Variants in MOCS2 observed in about 807,000 individuals in gnomAD.
MOCS2 encodes molybdenum cofactor synthesis 2, also known as molybdopterin synthase catalytic subunit.
A neutral mutation model predicts 21.9 loss-of-function variants in MOCS2; 13 were observed. The ratio of observed to expected loss-of-function variants is 0.59; its 90% CI spans 0.39 to 0.94. The LOEUF (loss-of-function observed/expected upper bound fraction) is 0.94. MOCS2 is among the 40% of genes least tolerant of loss of function. The probability of loss-of-function intolerance (pLI) is 0.00; values close to 1 mark genes in which losing one functional copy is unlikely to be tolerated. For missense variants in MOCS2, 227 were observed against 218.3 expected (o/e 1.04, Z -0.25); for synonymous variants, 92 against 80.8 (o/e 1.14, Z -0.74).
In MOCS2 at chr5:53,109,665, G is replaced by C; in HGVS notation, c.-584C>G. On this transcript the variant is annotated 5_prime_UTR_variant, in exon 1 of 7. Coordinates refer to ENST00000396954, the MANE Select transcript of MOCS2 (RefSeq NM_004531.5). ...AGGGAAAGGGCGGGAGAGACACGTCGAGGAGGGCTCCGCACCCAGGCCCGC... is the reference window on the plus strand; with the variant it reads ...AGGGAAAGGGCGGGAGAGACACGTCCAGGAGGGCTCCGCACCCAGGCCCGC... 1 of 1,550,336 alleles carries C rather than the reference G, an allele frequency of 6.5e-7. No individual in the cohort carries two copies. Among genetic ancestry groups the C allele is most frequent in the Non-Finnish European group, 8.7e-7 (1 of 1,146,940 alleles).
In MOCS2 at chr5:53,095,963, C is replaced by T. The variant is rs1490444101; in HGVS notation, c.*2639G>A. 6.6e-6 allele frequency: 1 copy of T among 152,112 alleles called. No homozygotes were observed. 9.4% of individuals were successfully genotyped at this position (152,112 alleles called of 1,614,324 possible). ...GATTGGACATCATCTTACATAAAAT[C>T]AGGGCCTAATTTTCATTTCGGAACC... On this transcript the variant is annotated 3_prime_UTR_variant, in exon 7 of 7. Coordinates refer to ENST00000396954, the MANE Select transcript of MOCS2 (RefSeq NM_004531.5).
chr5:53,107,245 A>G (rs1216338175), intron 2 of MOCS2, 24 bp from the exon 3 acceptor site: 5 of 1,600,346 alleles, frequency 3.1e-6, no homozygotes, highest in South Asian at 1.1e-5. Flanking sequence ...AATATGACTC[A>G]AAGTATCAAC....
rs1419470317 is a variant in MOCS2, at chr5:53,108,534, G to C, written c.-60C>G. 1.2e-6 allele frequency: 2 copies of C among 1,613,124 alleles called. No individual in the cohort carries two copies. The highest frequency in any genetic ancestry group is 1.3e-5 in the African/African-American group (1 of 74,894). ...AATTTTTAACTACCCAGGATGTCGA[G>C]TTTCTATCTCCTTCCACAGCTGCAA... On this transcript the variant is annotated 5_prime_UTR_variant, in exon 2 of 7. Transcript: ENST00000396954.
Position 53,100,553 on chromosome 5 carries a change from A to G in MOCS2, c.378-19T>C, listed in dbSNP as rs1457005041. 1.2e-6 allele frequency: 2 copies of G among 1,605,882 alleles called. No individual in the cohort carries two copies. Among genetic ancestry groups the G allele is most frequent in the Admixed American group, 3.4e-5 (2 of 59,640 alleles). ...AACCAAGCTTTAACAAGATGAAGAG[A>G]AAAAAAAATCACCATCATCTCTGAA... On this transcript the variant is annotated intron_variant, in intron 5 of 6. Transcript: ENST00000396954.
Position 53,108,541 on chromosome 5 carries a change from T to C in MOCS2, c.-67A>G. 4 of 1,613,502 alleles carry C rather than the reference T, an allele frequency of 2.5e-6. No homozygotes were observed. The highest frequency in any genetic ancestry group is 3.4e-6 in the Non-Finnish European group (4 of 1,179,732). On this transcript the variant is annotated 5_prime_UTR_variant, in exon 2 of 7. Transcript: ENST00000396954. The stretch of plus-strand genomic sequence containing the variant: ...AACTACCCAGGATGTCGAGTTTCTA[T>C]CTCCTTCCACAGCTGCAACGCTTTT...
rs1207657998 is a variant in MOCS2, at chr5:53,096,535, TAC to T, written c.*2065_*2066del. 6.6e-6 allele frequency: 1 copy of T among 152,198 alleles called. No individual in the cohort carries two copies. Among genetic ancestry groups the T allele is most frequent in the Non-Finnish European group, 1.5e-5 (1 of 68,030 alleles). 9.4% of individuals were successfully genotyped at this position (152,198 alleles called of 1,614,324 possible). The stretch of plus-strand genomic sequence containing the variant: ...CTCTTCTAGTTACTTGAAGCTAAGT[TAC>T]AGAGATGATAGAAAAGCTACATATC... On this transcript the variant is annotated 3_prime_UTR_variant, in exon 7 of 7. Coordinates refer to ENST00000396954, the MANE Select transcript of MOCS2 (RefSeq NM_004531.5).
chr5:53,104,378 G>A (rs771626360), intron 3 of MOCS2, among the ~76,000 whole-genome samples: 21 of 152,176 alleles, frequency 1.4e-4, no homozygotes, highest in East Asian at 3.8e-4. Context: ...CCAGTCCTGC[G>A]AAACACATTC....
chr5:53,105,777 C>G (rs1741034165), intron 3 of MOCS2, among the ~76,000 whole-genome samples: 2 of 152,150 alleles, frequency 1.3e-5, no homozygotes, highest in Admixed American at 1.3e-4. Flanking sequence ...AAACTATCAA[C>G]AGAGTGAATA....
Position 53,101,406 on chromosome 5 carries a change from A to C in MOCS2, c.330T>G (p.Ile110Met). ...TGTGTTTGACTGGCCATTTCTGCCTAATGTCACTACAAATCTTTCTGACTT... is the reference window on the plus strand; with the variant it reads ...TGTGTTTGACTGGCCATTTCTGCCTCATGTCACTACAAATCTTTCTGACTT... ...ENEVRKICSD[I>M]RQKWPVKHIA... Residue 110 changes from isoleucine to methionine, a missense_variant, in exon 5 of 7, where the codon ATT becomes ATG. Coordinates refer to ENST00000396954, the MANE Select transcript of MOCS2 (RefSeq NM_004531.5). 6.2e-7 allele frequency: 1 copy of C among 1,613,992 alleles called. No individual in the cohort carries two copies. The highest frequency in any genetic ancestry group is 8.5e-7 in the Non-Finnish European group (1 of 1,179,936).
chr5:53,102,736 C>T (rs1740949170), intron 3 of MOCS2, among the ~76,000 whole-genome samples: 1 of 152,048 alleles, frequency 6.6e-6, no homozygotes, highest in South Asian at 2.1e-4. Context: ...CATTTGGGGT[C>T]AGGAGTTTGA....
chr5:53,098,442 C>T lies in MOCS2; in HGVS notation c.*160G>A. Reference sequence around the variant, plus strand: ...CCATTTTAAATAACCCTTCATCCTACATACCCATTTATCTTGCTTCCTTTT... The same window carrying T: ...CCATTTTAAATAACCCTTCATCCTATATACCCATTTATCTTGCTTCCTTTT... On this transcript the variant is annotated 3_prime_UTR_variant, in exon 7 of 7. Coordinates refer to ENST00000396954, the MANE Select transcript of MOCS2 (RefSeq NM_004531.5). The T allele has an allele frequency of 1.5e-6, 1 of 674,732 alleles. No individual in the cohort carries two copies. The highest frequency in any genetic ancestry group is 2.7e-6 in the Non-Finnish European group (1 of 371,620). 41.8% of individuals were successfully genotyped at this position (674,732 alleles called of 1,614,324 possible).
At chr5:53,102,002 TA>T in intron 4 of MOCS2, 94 bp downstream of exon 4, 1 of 1,331,612 alleles carries the variant, frequency 7.5e-7, no homozygotes, top group Non-Finnish European at 1.1e-6. Context: ...TAAAGTTCAG[TA>T]TTTCAAACTC....
At chr5:53,102,543 T>C (rs1373721315) in intron 3 of MOCS2, among the ~76,000 whole-genome samples, 1 of 139,130 alleles carries the variant, frequency 7.2e-6, no homozygotes. Context: ...ACAGAGATAA[T>C]GTTGATCACT....
chr5:53,101,989 G>C (rs1209403103), intron 4 of MOCS2, 108 bp downstream of exon 4: 1 of 1,220,900 alleles, frequency 8.2e-7, no homozygotes. Context: ...GGTAATCTTG[G>C]TTTAAAGTTC....
chr5:53,104,979 A>G (rs1741012078), intron 3 of MOCS2, among the ~76,000 whole-genome samples: 1 of 152,180 alleles, frequency 6.6e-6, no homozygotes, highest in African/African-American at 2.4e-5. Context: ...TCCACACTAT[A>G]CTGAACAATG....
chr5:53,107,542 G>A, intron 2 of MOCS2: 1 of 312,598 alleles, frequency 3.2e-6, no homozygotes, highest in South Asian at 3.7e-5. Context: ...TTTCCAATCA[G>A]TACATGGCCT....
At chr5:53,101,989 G>A (rs1209403103) in intron 4 of MOCS2, 108 bp downstream of exon 4, 17 of 1,220,900 alleles carry the variant, frequency 1.4e-5, no homozygotes, top group Admixed American at 1.9e-5. Context: ...GGTAATCTTG[G>A]TTTAAAGTTC....
rs1411923224 is a variant in MOCS2 at position 53,098,264 on chromosome 5, G to T, written c.*338C>A. The stretch of plus-strand genomic sequence containing the variant: ...GGGGTTGGTGGGGGAGTACGTTTCT[G>T]AGCTAGTTAAAGTCACTGAGGAGGG... On this transcript the variant is annotated 3_prime_UTR_variant, in exon 7 of 7. Transcript: ENST00000396954. The T allele has an allele frequency of 1.1e-5, 3 of 284,694 alleles. No individual in the cohort carries two copies. The highest frequency in any genetic ancestry group is 4.8e-5 in the Admixed American group (1 of 20,956). The allele number at this position is 284,694 out of a possible 1,614,324, so 17.6% of individuals were successfully genotyped here. A position where few individuals can be genotyped will look rare whatever the true frequency, so the allele number is the denominator to read the frequency against.
intron 2 of MOCS2, chr5:53,108,084 T>C (rs1263624502): frequency 6.5e-6 from 1 of 152,990 alleles, no homozygotes; most frequent in African/African-American, 2.4e-5. Flanking sequence ...AAATTAAATA[T>C]TACAAAAACT....
Sources: allele counts gnomAD v4.1 joint callset (sites outside exome capture counted in the v4.1 genomes callset), GRCh38; gene constraint gnomAD v4.1.1; transcripts MANE v1.5; gene names NCBI Gene and HGNC (gene_info 2026-07-23, HGNC 2026-07-21).